WNT2B: variants seen among roughly 807,000 people sequenced by gnomAD.
WNT2B encodes the protein protein Wnt-2b.
WNT2B carries 19 observed loss-of-function variants against 40.5 expected under a neutral mutation model. That is an observed-to-expected ratio of 0.47 (90% CI 0.33 to 0.69). The LOEUF is 0.69. Among genes scored for constraint, WNT2B ranks in the 30% least tolerant of loss-of-function variants. The pLI is 0.02. For missense variants in WNT2B, 467 were observed against 556.4 expected (o/e 0.84, Z 1.62); for synonymous variants, 220 against 211.9 (o/e 1.04, Z -0.33).
chr1:112,485,193 G>A (rs1777605), intron 1 of WNT2B, among the ~76,000 whole-genome samples: 45,421 of 152,192 alleles, frequency 0.3, 7,719 homozygotes, highest in African/African-American at 0.46. Context: ...GGGCATGATG[G>A]CTCATGCCTG....
intron 1 of WNT2B, among the ~76,000 whole-genome samples, chr1:112,500,956 C>G (rs1188098667): frequency 6.6e-6 from 1 of 152,106 alleles, no homozygotes; most frequent in African/African-American, 2.4e-5. Flanking sequence ...TAATTAAAGT[C>G]CATACTTTGT....
intron 1 of WNT2B, among the ~76,000 whole-genome samples, chr1:112,494,234 C>T (rs1452551164): frequency 6.6e-6 from 1 of 151,202 alleles, no homozygotes; most frequent in Admixed American, 6.6e-5. Context: ...CGTTTGAACC[C>T]GAGAAGCGGA....
At chr1:112,490,343 T>G (rs1651557537) in intron 1 of WNT2B, among the ~76,000 whole-genome samples, 1 of 152,196 alleles carries the variant, frequency 6.6e-6, no homozygotes, top group Admixed American at 6.5e-5. Flanking sequence ...CTCCTCGTTC[T>G]GAGAGAGAAG....
intron 1 of WNT2B, among the ~76,000 whole-genome samples, chr1:112,499,109 G>C (rs1430457008): frequency 6.6e-6 from 1 of 151,544 alleles, no homozygotes; most frequent in African/African-American, 2.4e-5. Flanking sequence ...AGGAGGCTGA[G>C]GCAGGAGAAT....
At chr1:112,518,090 C>T (rs1049009224) in intron 4 of WNT2B, 5 of 152,180 alleles carry the variant, frequency 3.3e-5, no homozygotes, top group Non-Finnish European at 1.5e-5. Context: ...GAAAAAGAAA[C>T]GAAGAAGAGA....
At chr1:112,468,660 A>G (rs1650781186) in intron 1 of WNT2B, among the ~76,000 whole-genome samples, 2 of 151,578 alleles carry the variant, frequency 1.3e-5, no homozygotes, top group Admixed American at 1.3e-4. Context: ...TATTATTATT[A>G]TTTATTGTTT....
intron 1 of WNT2B, among the ~76,000 whole-genome samples, chr1:112,491,457 A>G (rs1305632660): frequency 6.6e-6 from 1 of 152,214 alleles, no homozygotes; most frequent in Non-Finnish European, 1.5e-5. Context: ...AGAAGAGGCT[A>G]AGAACATGTT....
At position 112,469,419 on chromosome 1, in the gene WNT2B, A is replaced by G. The variant is rs535680871; in HGVS notation, c.-95+1828A>G. 2.8e-4 allele frequency among the ~76,000 whole-genome samples: 42 copies of G among 152,310 alleles called. No individual in the cohort carries two copies. In the South Asian group the frequency reaches 8.5e-3, roughly 31 times the overall value. On this transcript the variant is annotated intron_variant, in intron 1 of 4. Coordinates refer to the WNT2B transcript ENST00000256640. ...TTGCGTTGAATCTGTAGATTGCTGC[A>G]AGCAGTATGGTCATTTTAATAATAC...
chr1:112,506,552 G>A (rs1269170942), upstream of WNT2B, among the ~76,000 whole-genome samples: 2 of 152,182 alleles, frequency 1.3e-5, no homozygotes, highest in African/African-American at 4.8e-5. Context: ...AAACACACAG[G>A]GGAGTCTGGG....
Position 112,509,149 on chromosome 1 carries a change from C to T in WNT2B, c.-114C>T. On this transcript the variant is annotated 5_prime_UTR_variant, in exon 1 of 5. Transcript: ENST00000369684. The surrounding 1 kb of genome is among the most constrained non-coding windows in gnomAD (Gnocchi z 4.2). The stretch of plus-strand genomic sequence containing the variant: ...CCCCAGGTGATCCTAGGTCCCCAGC[C>T]GCCGGCGAACACCATGGCCCCCCAG... 7.3e-7 allele frequency: 1 copy of T among 1,376,968 alleles called. No individual in the cohort carries two copies. The highest frequency in any genetic ancestry group is 9.3e-7 in the Non-Finnish European group (1 of 1,074,230). 85.3% of individuals were successfully genotyped at this position (1,376,968 alleles called of 1,614,324 possible).
At chr1:112,473,080 A>G (rs74939405) in intron 1 of WNT2B, among the ~76,000 whole-genome samples, 3 of 76,796 alleles carry the variant, frequency 3.9e-5, no homozygotes, top group African/African-American at 2.0e-4. Flanking sequence ...AAAAAGAAAG[A>G]AAGAAACACG....
chr1:112,507,103 A>G (rs1212361646), upstream of WNT2B, among the ~76,000 whole-genome samples: 1 of 152,190 alleles, frequency 6.6e-6, no homozygotes, highest in Non-Finnish European at 1.5e-5. Context: ...TTCACCAGGA[A>G]GCTGCCTGGC....
intron 1 of WNT2B, among the ~76,000 whole-genome samples, chr1:112,493,718 T>A (rs1651676747): frequency 6.6e-6 from 1 of 151,838 alleles, no homozygotes; most frequent in Non-Finnish European, 1.5e-5. Context: ...ATAAAAGGTA[T>A]AACATGTATA....
chr1:112,483,199 CACACACACACACACACACACACAT>C (rs1434388504), intron 1 of WNT2B, among the ~76,000 whole-genome samples: 1 of 118,412 alleles, frequency 8.4e-6, no homozygotes, highest in African/African-American at 4.0e-5. Context: ...CACACACACA[CACACACACACACACACACACACAT>C]ATACACACAC....
chr1:112,493,139 A>G (rs1197434495), intron 1 of WNT2B, among the ~76,000 whole-genome samples: 2 of 152,192 alleles, frequency 1.3e-5, no homozygotes, highest in African/African-American at 4.8e-5. Flanking sequence ...AGCTCTCTCT[A>G]ATGGGTAAAG....
intron 1 of WNT2B, among the ~76,000 whole-genome samples, chr1:112,499,859 G>GT (rs1651892670): frequency 6.6e-6 from 1 of 152,092 alleles, no homozygotes; most frequent in Non-Finnish European, 1.5e-5. Context: ...ACACTTCTCA[G>GT]TATGTTCAGG....
chr1:112,527,556 G>C lies in WNT2B; in HGVS notation c.*7047G>C, dbSNP rs1239064176. On this transcript the variant is annotated 3_prime_UTR_variant, in exon 5 of 5. Transcript: ENST00000369684. ...AGAGGCTTTTTCTTAAACTAACCCT[G>C]ACTCCTGGAAAAGAGGCAGAGCAGG... The C allele has an allele frequency of 6.5e-6, 1 of 152,714 alleles. No individual in the cohort carries two copies. The highest frequency in any genetic ancestry group is 1.5e-5 in the Non-Finnish European group (1 of 68,074). The allele number at this position is 152,714 out of a possible 1,614,324, so 9.5% of individuals were successfully genotyped here.
In WNT2B at chr1:112,525,662, C is replaced by T. The variant is rs187097124; in HGVS notation, c.*5153C>T. ...GCTCACTTCCATTCTATGAGTATAT[C>T]GATGGAGCAGCTGGACATTAGAGTT... On this transcript the variant is annotated 3_prime_UTR_variant, in exon 5 of 5. Transcript: ENST00000369684. 4.9e-5 allele frequency: 9 copies of T among 185,438 alleles called. No homozygotes were observed. The highest frequency in any genetic ancestry group is 1.4e-4 in the South Asian group (1 of 7,212). The allele number at this position is 185,438 out of a possible 1,614,324, so 11.5% of individuals were successfully genotyped here.
chr1:112,489,100 T>C (rs1373479354), intron 1 of WNT2B, among the ~76,000 whole-genome samples: 1 of 152,112 alleles, frequency 6.6e-6, no homozygotes, highest in East Asian at 1.9e-4. Flanking sequence ...ATATTTTTGA[T>C]AGCATGGGTT....
Sources: gnomAD v4.1 joint callset for allele counts (sites outside exome capture counted in the v4.1 genomes callset) on GRCh38, gnomAD v4.1.1 for gene constraint, Gnocchi (gnomAD v3.1) non-coding constraint, MANE v1.5 for transcripts, NCBI Gene and HGNC (gene_info 2026-07-23, HGNC 2026-07-21) for gene names.